PTGER4: variants seen among roughly 807,000 people sequenced by gnomAD.
PTGER4 encodes the protein prostaglandin E receptor 4, also known as prostaglandin E2 receptor EP4 subtype.
Under a neutral mutation model 33.2 loss-of-function variants are expected in PTGER4, and 11 were observed. The ratio of observed to expected loss-of-function variants is 0.33; its 90% CI spans 0.21 to 0.55. The LOEUF (loss-of-function observed/expected upper bound fraction) is 0.55. PTGER4 is among the 20% of genes least tolerant of loss of function. PTGER4 has a pLI of 0.92. For synonymous variants in PTGER4, 275 were observed against 281.5 expected, an observed-to-expected ratio of 0.98 and a Z score of 0.23; for missense variants, 481 against 650.2, an observed-to-expected ratio of 0.74 and a Z score of 2.83.
At chr5:40,687,106 C>T (rs1301021401) in intron 2 of PTGER4, among the ~76,000 whole-genome samples, 2 of 152,156 alleles carry the variant, frequency 1.3e-5, no homozygotes, top group East Asian at 1.9e-4. Flanking sequence ...AGTGCAATGG[C>T]GCAATCTCAG....
At chr5:40,696,688 C>T, downstream of PTGER4, 1 of 985,108 alleles carries the variant, frequency 1.0e-6, no homozygotes, top group South Asian at 4.7e-5. Flanking sequence ...AAGAGAAGGA[C>T]AGAAGAGAAC....
At position 40,681,488 on chromosome 5, in the gene PTGER4, C is replaced by T. The variant is rs1224450209; in HGVS notation, c.495C>T (p.Tyr165=). Residue 165 remains tyrosine, a synonymous_variant, in exon 2 of 3, where the codon TAC becomes TAT. Coordinates refer to ENST00000302472, the MANE Select transcript of PTGER4 (RefSeq NM_000958.3). This position sits in a 1 kb window ranked among gnomAD's most constrained non-coding sequence, Gnocchi z 9.8. ...NMGLGSSRLQ[Y]PDTWCFIDWT... ...GTCTCGGTAGCTCGCGGCTGCAGTACCCAGACACCTGGTGCTTCATCGACT... is the reference window on the plus strand; with the variant it reads ...GTCTCGGTAGCTCGCGGCTGCAGTATCCAGACACCTGGTGCTTCATCGACT... The T allele has an allele frequency of 1.9e-6, 3 of 1,613,378 alleles. No homozygotes were observed. The highest frequency in any genetic ancestry group is 2.2e-5 in the South Asian group (2 of 91,090).
intron 2 of PTGER4, among the ~76,000 whole-genome samples, chr5:40,682,727 G>A (rs564239242): frequency 6.6e-6 from 1 of 152,304 alleles, no homozygotes; most frequent in South Asian, 2.1e-4. Flanking sequence ...AGAGATGGCT[G>A]TCTTTGTTTC....
At chr5:40,705,957 C>T in the PTGER4 span, among the ~76,000 whole-genome samples, 1 of 152,154 alleles carries the variant, frequency 6.6e-6, no homozygotes, top group Non-Finnish European at 1.5e-5. Context: ...CCATCCAATC[C>T]AGCAATCCCT....
At chr5:40,728,175 A>G in the PTGER4 span, among the ~76,000 whole-genome samples, 2 of 150,604 alleles carry the variant, frequency 1.3e-5, no homozygotes, top group African/African-American at 4.9e-5. Flanking sequence ...TCCCAGCTAC[A>G]CAGGAGGCTG....
At chr5:40,685,335 A>G (rs1741298119) in intron 2 of PTGER4, 2 of 937,270 alleles carry the variant, frequency 2.1e-6, no homozygotes, top group Non-Finnish European at 2.5e-6. Context: ...TTGATCAGCA[A>G]AAGTTTATAA....
the PTGER4 span, among the ~76,000 whole-genome samples, chr5:40,723,119 A>G: frequency 1.3e-5 from 2 of 152,136 alleles, no homozygotes; most frequent in African/African-American, 4.8e-5. Context: ...GGATGCTGTT[A>G]ATCTATAACC....
At chr5:40,695,978 TCA>T (rs1741577959), downstream of PTGER4, among the ~76,000 whole-genome samples, 1 of 152,124 alleles carries the variant, frequency 6.6e-6, no homozygotes, top group Non-Finnish European at 1.5e-5. Flanking sequence ...GGTACTATGT[TCA>T]CTATTTGGGT....
At chr5:40,701,625 C>T in the PTGER4 span, among the ~76,000 whole-genome samples, 309 of 152,228 alleles carry the variant, frequency 2.0e-3, 1 homozygote, top group African/African-American at 7.0e-3. Context: ...ATATCATCTA[C>T]CAAATTTCTC....
downstream of PTGER4, chr5:40,693,776 C>A (rs970083020): frequency 1.1e-6 from 1 of 928,434 alleles, no homozygotes; most frequent in African/African-American, 1.8e-5. Context: ...CTTGTGGGGG[C>A]TTTTTTGTTG....
chr5:40,734,090 T>C, the PTGER4 span, among the ~76,000 whole-genome samples: 4 of 152,228 alleles, frequency 2.6e-5, no homozygotes, highest in African/African-American at 9.6e-5. Flanking sequence ...AAGTGAGCTG[T>C]TTTCCATGCT....
the PTGER4 span, among the ~76,000 whole-genome samples, chr5:40,698,884 A>G: frequency 5.9e-5 from 9 of 152,348 alleles, no homozygotes; most frequent in Non-Finnish European, 1.2e-4. Flanking sequence ...AAAGAGTAAC[A>G]GAATTATCAC....
the PTGER4 span, chr5:40,716,108 CA>C: frequency 6.6e-7 from 1 of 1,505,418 alleles, no homozygotes; most frequent in Non-Finnish European, 8.9e-7. Context: ...AAGAGGCAAT[CA>C]AAAAGACAGA....
intron 2 of PTGER4, among the ~76,000 whole-genome samples, chr5:40,687,777 T>C (rs1357086309): frequency 1.3e-5 from 2 of 152,208 alleles, no homozygotes; most frequent in Non-Finnish European, 2.9e-5. Context: ...ACTCATACTT[T>C]TACTACCCTG....
chr5:40,697,101 G>GA (rs1561134161), downstream of PTGER4, among the ~76,000 whole-genome samples: 8,553 of 90,900 alleles, frequency 0.094, 522 homozygotes, highest in Non-Finnish European at 0.13. Context: ...AAAGAGAAAA[G>GA]AAAGAAAGGA....
chr5:40,737,786 T>A, the PTGER4 span, among the ~76,000 whole-genome samples: 3 of 152,336 alleles, frequency 2.0e-5, no homozygotes, highest in South Asian at 6.2e-4. Flanking sequence ...ATTTTTTCTG[T>A]CACTATGGAT....
chr5:40,702,116 A>G, the PTGER4 span, among the ~76,000 whole-genome samples: 1 of 152,186 alleles, frequency 6.6e-6, no homozygotes, highest in Non-Finnish European at 1.5e-5. Flanking sequence ...GCAACCACAC[A>G]AACAAGCCAA....
At chr5:40,732,827 T>C in the PTGER4 span, among the ~76,000 whole-genome samples, 5 of 152,038 alleles carry the variant, frequency 3.3e-5, no homozygotes, top group Admixed American at 6.6e-5. Flanking sequence ...AGGCTGGTCT[T>C]GAACTCTTGA....
Position 40,692,587 on chromosome 5 carries a change from C to CTATG in PTGER4, c.*210_*213dup. On this transcript the variant is annotated 3_prime_UTR_variant, in exon 3 of 3. Transcript: ENST00000302472. ...CTGCAGCACGTCGGATGCTACCCCA[C>CTATG]TATGACAGAGGATTGTGGTCACAAC... 1 of 1,343,642 alleles carries CTATG rather than the reference C, an allele frequency of 7.4e-7. No homozygotes were observed. The highest frequency in any genetic ancestry group is 1.9e-5 in the South Asian group (1 of 53,148). The allele number at this position is 1,343,642 out of a possible 1,614,324, so 83.2% of individuals were successfully genotyped here.
Sources: allele counts gnomAD v4.1 joint callset (sites outside exome capture counted in the v4.1 genomes callset), GRCh38; gene constraint gnomAD v4.1.1; non-coding constraint Gnocchi (gnomAD v3.1); transcripts MANE v1.5; gene names NCBI Gene and HGNC (gene_info 2026-07-23, HGNC 2026-07-21).